MED13L: variants seen among roughly 807,000 people sequenced by gnomAD.
The protein encoded by MED13L is mediator complex subunit 13L.
MED13L carries 7 observed loss-of-function variants against 220.9 expected under a neutral mutation model. That is an observed-to-expected ratio of 0.03 (90% CI 0.02 to 0.06). MED13L has a LOEUF of 0.06. MED13L is among the 10% of genes least tolerant of loss of function. The pLI is 1.00. For synonymous variants in MED13L, 1,011 were observed against 1,015.2 expected (o/e 1.00, Z 0.08); for missense variants, 1,965 against 2,760.5 (o/e 0.71, Z 6.46).
chr12:116,015,674 A>C (rs566531456), intron 7 of MED13L, among the ~76,000 whole-genome samples: 35 of 152,218 alleles, frequency 2.3e-4, no homozygotes, highest in Non-Finnish European at 4.4e-4. Flanking sequence ...ACAGTCAATG[A>C]GTTTCAAGGC....
chr12:116,096,106 C>A (rs1872613166), intron 4 of MED13L, among the ~76,000 whole-genome samples: 1 of 151,740 alleles, frequency 6.6e-6, no homozygotes, highest in African/African-American at 2.4e-5. Flanking sequence ...ATAATCCCAG[C>A]AGTTTGAGAG....
chr12:116,022,330 T>C, intron 5 of MED13L, 126 bp downstream of exon 5: 1 of 1,127,230 alleles, frequency 8.9e-7, no homozygotes, highest in African/African-American at 1.5e-5. Context: ...CTTCAAAATC[T>C]GACCCTTATG....
chr12:116,207,374 A>G (rs1049926525), intron 2 of MED13L, among the ~76,000 whole-genome samples: 7 of 152,214 alleles, frequency 4.6e-5, no homozygotes, highest in Admixed American at 1.3e-4. Flanking sequence ...AATTCAGTGC[A>G]ATAACATGCT....
At chr12:116,223,214 A>T (rs956438835) in intron 2 of MED13L, among the ~76,000 whole-genome samples, 1 of 152,186 alleles carries the variant, frequency 6.6e-6, no homozygotes, top group African/African-American at 2.4e-5. Context: ...TCTGACACAT[A>T]AATATTATTA....
chr12:115,972,315 C>T, intron 25 of MED13L, 79 bp from the exon 26 acceptor site: 1 of 1,553,916 alleles, frequency 6.4e-7, no homozygotes, highest in Non-Finnish European at 8.8e-7. Context: ...AGCAGTTCTG[C>T]CCGGTAATTG....
At chr12:116,218,158 A>C (rs1883112070) in intron 2 of MED13L, among the ~76,000 whole-genome samples, 1 of 152,032 alleles carries the variant, frequency 6.6e-6, no homozygotes, top group African/African-American at 2.4e-5. Flanking sequence ...AAAGTATGTA[A>C]TTTTTTTTAA....
Position 116,093,378 on chromosome 12 carries a change from A to G in MED13L, c.479+3291T>C, listed in dbSNP as rs116764140. 6.0e-3 allele frequency among the ~76,000 whole-genome samples: 913 copies of G among 151,932 alleles called. 9 individuals are homozygous for G. Among genetic ancestry groups the G allele is most frequent in the Non-Finnish European group, 7.0e-3 (474 of 67,962 alleles). Reference sequence around the variant, plus strand: ...AATTTCTATGTTTCTAAAACTACCTAATCAAATACATATTTTTAATATATA... The same window carrying G: ...AATTTCTATGTTTCTAAAACTACCTGATCAAATACATATTTTTAATATATA... On this transcript the variant is annotated intron_variant, in intron 4 of 30. Transcript: ENST00000281928.
At chr12:116,032,220 T>C (rs947147581) in intron 4 of MED13L, among the ~76,000 whole-genome samples, 2 of 152,208 alleles carry the variant, frequency 1.3e-5, no homozygotes, top group African/African-American at 4.8e-5. Flanking sequence ...AAAAATTCCA[T>C]GTAATTCTAA....
intron 2 of MED13L, among the ~76,000 whole-genome samples, chr12:116,120,091 A>G (rs1259053049): frequency 6.6e-6 from 1 of 151,992 alleles, no homozygotes; most frequent in East Asian, 1.9e-4. Context: ...TGACTTGATT[A>G]TGTATATTTC....
chr12:116,214,567 A>G (rs1033200228), intron 2 of MED13L, among the ~76,000 whole-genome samples: 2 of 152,198 alleles, frequency 1.3e-5, no homozygotes, highest in African/African-American at 2.4e-5. Context: ...TGGATAAAAT[A>G]TATGTAATAC....
At chr12:116,080,782 C>T in intron 4 of MED13L, among the ~76,000 whole-genome samples, 1 of 152,212 alleles carries the variant, frequency 6.6e-6, no homozygotes, top group East Asian at 1.9e-4. Context: ...ATCCTGTTAA[C>T]AAGCAACTGC....
intron 2 of MED13L, among the ~76,000 whole-genome samples, chr12:116,231,423 T>A (rs564997352): frequency 1.3e-5 from 2 of 152,106 alleles, no homozygotes; most frequent in African/African-American, 4.8e-5. Flanking sequence ...AAGAAAACAA[T>A]TAGACAAATT....
At chr12:116,061,548 G>A (rs904862126) in intron 4 of MED13L, among the ~76,000 whole-genome samples, 1 of 151,980 alleles carries the variant, frequency 6.6e-6, no homozygotes, top group Admixed American at 6.6e-5. Flanking sequence ...TAAAATAAGT[G>A]ATAACCTTCA....
At chr12:116,005,766 G>A in intron 13 of MED13L, 103 bp downstream of exon 13, 4 of 1,411,764 alleles carry the variant, frequency 2.8e-6, no homozygotes, top group Non-Finnish European at 3.0e-6. Context: ...TGAAATAAGA[G>A]CCCCCAAATT....
chr12:115,998,858 T>C (rs1218718312), intron 14 of MED13L, among the ~76,000 whole-genome samples: 1 of 152,134 alleles, frequency 6.6e-6, no homozygotes, highest in Admixed American at 6.5e-5. Flanking sequence ...CTGTATCTGA[T>C]TTCATTATAC....
Position 116,160,930 on chromosome 12 carries a change from T to G in MED13L, c.311-49418A>C, listed in dbSNP as rs2138135686. On this transcript the variant is annotated intron_variant, in intron 2 of 30. Transcript: ENST00000281928. ...AGTATAAATGGGCAAAGTAGATGTC[T>G]TAATTTATTTTATGCTGCTATAACA... Among the ~76,000 whole-genome samples the G allele has an allele frequency of 1.3e-5, 2 of 152,256 alleles. 1 individual carries two copies. The highest frequency in any genetic ancestry group is 4.1e-4 in the South Asian group (2 of 4,822).
intron 4 of MED13L, among the ~76,000 whole-genome samples, chr12:116,036,801 T>C (rs964097903): frequency 6.6e-6 from 1 of 152,218 alleles, no homozygotes; most frequent in African/African-American, 2.4e-5. Context: ...TCACAAAGAC[T>C]ATGTTGAGGT....
chr12:116,010,408 C>A (rs1879321092), intron 9 of MED13L, among the ~76,000 whole-genome samples: 1 of 152,112 alleles, frequency 6.6e-6, no homozygotes, highest in Non-Finnish European at 1.5e-5. Context: ...TTTACCCGCA[C>A]TAGTTCTTTG....
chr12:116,162,180 GT>G (rs1332012153), intron 2 of MED13L, among the ~76,000 whole-genome samples: 1 of 151,028 alleles, frequency 6.6e-6, no homozygotes, highest in Admixed American at 6.6e-5. Flanking sequence ...GAACAAGAAA[GT>G]CCCCTCTGCT....
Sources: gnomAD v4.1 joint callset for allele counts (sites outside exome capture counted in the v4.1 genomes callset) on GRCh38, gnomAD v4.1.1 for gene constraint, MANE v1.5 for transcripts, NCBI Gene and HGNC (gene_info 2026-07-23, HGNC 2026-07-21) for gene names.